The following UNC79 variants were observed in gnomAD, a reference collection of about 807,000 sequenced individuals.
UNC79 encodes the protein unc-79 subunit of NALCN channel complex.
In UNC79, 37 loss-of-function variants were observed where a neutral mutation model predicts 283.1. The observed-to-expected ratio is 0.13, with a 90% CI of 0.10 to 0.17. The LOEUF is 0.17. Among genes scored for constraint, UNC79 ranks in the 10% least tolerant of loss-of-function variants. The pLI is 1.00. For missense variants in UNC79, 2,272 were observed against 3,211.1 expected (o/e 0.71, Z 7.07); for synonymous variants, 1,107 against 1,200.2 (o/e 0.92, Z 1.61).
chr14:93,517,805 A>G (rs1595722919), intron 7 of UNC79, among the ~76,000 whole-genome samples: 1 of 151,934 alleles, frequency 6.6e-6, no homozygotes, highest in East Asian at 1.9e-4. Context: ...TTTTCTTTCT[A>G]AAGTTTTGCA....
chr14:93,445,818 T>C (rs2056443990), intron 1 of UNC79, among the ~76,000 whole-genome samples: 1 of 152,328 alleles, frequency 6.6e-6, no homozygotes, highest in Non-Finnish European at 1.5e-5. Flanking sequence ...TTGTTTGCTT[T>C]AAATTCTTCT....
chr14:93,473,923 G>A (rs2057658989), intron 2 of UNC79, among the ~76,000 whole-genome samples, 166 bp from the exon 3 acceptor site: 1 of 152,208 alleles, frequency 6.6e-6, no homozygotes, highest in African/African-American at 2.4e-5. Flanking sequence ...CTCTGAGCAC[G>A]AAGCTATGTG....
At chr14:93,466,835 G>C (rs535032777) in intron 1 of UNC79, 12 of 985,290 alleles carry the variant, frequency 1.2e-5, no homozygotes, top group Non-Finnish European at 1.3e-5. Flanking sequence ...TGACTAGAAC[G>C]GGGTCCTTCA....
exon 30 of UNC79, chr14:93,622,311 C>T (rs768054531): frequency 8.1e-6 from 13 of 1,613,986 alleles, no homozygotes; most frequent in Non-Finnish European, 1.1e-5. Context: ...GAGGATTGTT[C>T]CAAAGACTTT....
chr14:93,386,661 G>T (rs145544855), intron 1 of UNC79, among the ~76,000 whole-genome samples: 339 of 152,204 alleles, frequency 2.2e-3, no homozygotes, highest in African/African-American at 7.8e-3. Flanking sequence ...GGTATGTTCA[G>T]GTTTTGAATT....
At chr14:93,551,284 C>A (rs1055767862) in intron 14 of UNC79, among the ~76,000 whole-genome samples, 5 of 152,176 alleles carry the variant, frequency 3.3e-5, no homozygotes, top group Non-Finnish European at 5.9e-5. Flanking sequence ...CTCCTGACCT[C>A]ATGATCTGCC....
At chr14:93,670,466 A>AT (rs1420326110) in intron 40 of UNC79, among the ~76,000 whole-genome samples, 1 of 152,218 alleles carries the variant, frequency 6.6e-6, no homozygotes, top group African/African-American at 2.4e-5. Flanking sequence ...ACTTGCTTAC[A>AT]TTTACCAGTT....
rs559742798 is a variant in UNC79, at chr14:93,655,341, C to G, written c.6390C>G (p.Leu2130=). 139 of 1,614,148 alleles carry G rather than the reference C, an allele frequency of 8.6e-5. No homozygotes were observed. The highest frequency in any genetic ancestry group is 2.2e-4 in the Admixed American group (13 of 60,012). Reference sequence around the variant, plus strand: ...TGCCTATGGATTCTCCTAGTAGCCTCTGGACCACAATTAGCAACCAGTTTC... The same window carrying G: ...TGCCTATGGATTCTCCTAGTAGCCTGTGGACCACAATTAGCAACCAGTTTC... Residue 2130 remains leucine, a synonymous_variant, in exon 38 of 49, where the codon CTC becomes CTG. Transcript: ENST00000555664.
chr14:93,398,522 C>T (rs2055043219), intron 1 of UNC79, among the ~76,000 whole-genome samples: 1 of 152,172 alleles, frequency 6.6e-6, no homozygotes, highest in Non-Finnish European at 1.5e-5. Context: ...GAGGAGCACA[C>T]TGGTCCAGAG....
intron 1 of UNC79, among the ~76,000 whole-genome samples, chr14:93,424,448 G>A (rs1209249355): frequency 6.6e-6 from 1 of 152,110 alleles, no homozygotes; most frequent in African/African-American, 2.4e-5. Context: ...AGCCAGACTT[G>A]AAAGCAACCT....
Position 93,586,911 on chromosome 14 carries a change from A to T in UNC79, c.3032+3A>T. ...CAGGACCACATGTTGATTGCAAGGT[A>T]CGTCTTCCTAATGGTTTGTTTTGAT... On this transcript the variant is annotated splice_donor_region_variant and intron_variant, in intron 22 of 48. Coordinates refer to ENST00000555664, the Ensembl canonical transcript of UNC79. 6.2e-7 allele frequency: 1 copy of T among 1,613,082 alleles called. No individual in the cohort carries two copies. The highest frequency in any genetic ancestry group is 2.2e-5 in the East Asian group (1 of 44,852).
rs1418222384 is a variant in UNC79, at chr14:93,646,800, G to A, written c.6083+154G>A. On this transcript the variant is annotated intron_variant, in intron 35 of 48. Transcript: ENST00000555664. ...CAGGGTGGGAGGATCACTCGAGCCC[G>A]GGAGTTCAAGACCATCCTGGGCAAC... Among the ~76,000 whole-genome samples the A allele has an allele frequency of 5.9e-5, 9 of 151,984 alleles. No homozygotes were observed. In the East Asian group the frequency reaches 7.8e-4, roughly 13 times the overall value.
intron 7 of UNC79, 36 bp from the exon 8 acceptor site, chr14:93,523,942 A>T: frequency 6.2e-7 from 1 of 1,609,158 alleles, no homozygotes; most frequent in Non-Finnish European, 8.5e-7. Context: ...AATAATTTCA[A>T]TGAGAAGTAT....
chr14:93,349,651 A>G (rs1043390305), intron 1 of UNC79, among the ~76,000 whole-genome samples: 1 of 152,228 alleles, frequency 6.6e-6, no homozygotes, highest in Non-Finnish European at 1.5e-5. Context: ...TTACATCCAC[A>G]GGCTGGCTGC....
intron 7 of UNC79, among the ~76,000 whole-genome samples, chr14:93,520,451 A>G (rs371658092): frequency 1.3e-5 from 2 of 151,832 alleles, no homozygotes; most frequent in Admixed American, 6.6e-5. Context: ...TTTTCATCAG[A>G]CTTGAAAATT....
intron 7 of UNC79, among the ~76,000 whole-genome samples, chr14:93,499,498 C>T (rs1399953541): frequency 6.6e-6 from 1 of 152,138 alleles, no homozygotes; most frequent in Admixed American, 6.5e-5. Flanking sequence ...AACACAAAAC[C>T]AGGTCTCAGG....
chr14:93,432,482 G>A (rs965253705), intron 1 of UNC79, among the ~76,000 whole-genome samples: 3 of 152,182 alleles, frequency 2.0e-5, no homozygotes, highest in Admixed American at 6.5e-5. Context: ...AAAAGGTTTA[G>A]TAATGAGCCT....
chr14:93,386,810 C>T (rs2054783525), intron 1 of UNC79, among the ~76,000 whole-genome samples: 1 of 149,514 alleles, frequency 6.7e-6, no homozygotes. Context: ...GGTCTTCTCT[C>T]TTTTTTTCTT....
intron 7 of UNC79, among the ~76,000 whole-genome samples, chr14:93,520,506 G>T (rs1250042813): frequency 1.3e-5 from 2 of 151,330 alleles, no homozygotes; most frequent in Non-Finnish European, 3.0e-5. Flanking sequence ...TATTTCTTTT[G>T]TGCTTTAAAT....
Sources: gnomAD v4.1 joint callset for allele counts (sites outside exome capture counted in the v4.1 genomes callset) on GRCh38, gnomAD v4.1.1 for gene constraint, MANE v1.5 for transcripts, NCBI Gene and HGNC (gene_info 2026-07-23, HGNC 2026-07-21) for gene names.